The following CUL2 variants were observed in gnomAD, a reference collection of about 807,000 sequenced individuals.
The protein encoded by CUL2 is cullin 2.
A neutral mutation model predicts 110.2 loss-of-function variants in CUL2; 22 were observed. The ratio of observed to expected loss-of-function variants is 0.20; its 90% CI spans 0.14 to 0.28. The LOEUF is 0.28. Among genes scored for constraint, CUL2 ranks in the 10% least tolerant of loss-of-function variants. CUL2 has a pLI of 1.00. For synonymous variants in CUL2, 279 were observed against 293.2 expected, an observed-to-expected ratio of 0.95 and a Z score of 0.49; for missense variants, 631 against 905.5, an observed-to-expected ratio of 0.70 and a Z score of 3.89.
chr10:35,094,270 T>C (rs183945996), upstream of CUL2, among the ~76,000 whole-genome samples: 1 of 152,166 alleles, frequency 6.6e-6, no homozygotes, highest in Non-Finnish European at 1.5e-5. Context: ...AGTTTCGCTC[T>C]TGTTGCCCAG....
intron 4 of CUL2, among the ~76,000 whole-genome samples, chr10:35,057,287 TA>T (rs2086261545): frequency 1.3e-5 from 2 of 152,062 alleles, no homozygotes; most frequent in Non-Finnish European, 2.9e-5. Flanking sequence ...AAATTTAAAC[TA>T]ACTTACATTA....
intron 1 of CUL2, among the ~76,000 whole-genome samples, chr10:35,110,376 C>T (rs2087510536): frequency 6.6e-6 from 1 of 151,818 alleles, no homozygotes; most frequent in Non-Finnish European, 1.5e-5. Context: ...CCAGCCTGGC[C>T]AACATGGTGA....
At chr10:35,108,081 G>A (rs531980806) in intron 1 of CUL2, among the ~76,000 whole-genome samples, 2 of 152,108 alleles carry the variant, frequency 1.3e-5, no homozygotes, top group South Asian at 2.1e-4. Context: ...CGCCTTTTGT[G>A]AATGGAAAAT....
At chr10:35,117,537 T>C (rs1297541737) in intron 1 of CUL2, among the ~76,000 whole-genome samples, 4 of 152,086 alleles carry the variant, frequency 2.6e-5, no homozygotes, top group Admixed American at 6.6e-5. Context: ...GCTTTTTTTT[T>C]TTTTTTAACT....
chr10:35,104,715 T>G (rs2087430689), intron 1 of CUL2, among the ~76,000 whole-genome samples: 1 of 152,012 alleles, frequency 6.6e-6, no homozygotes, highest in African/African-American at 2.4e-5. Flanking sequence ...TGAACAGTCC[T>G]ACTAAACGAA....
At chr10:35,114,580 G>A (rs528766340) in intron 1 of CUL2, among the ~76,000 whole-genome samples, 44 of 149,786 alleles carry the variant, frequency 2.9e-4, no homozygotes, top group African/African-American at 1.1e-3. Context: ...ACAGGGTTTC[G>A]CTATGTTGGC....
chr10:35,033,383 C>T (rs1355661524), intron 10 of CUL2, 110 bp from the exon 11 acceptor site: 8 of 670,900 alleles, frequency 1.2e-5, no homozygotes, highest in African/African-American at 1.8e-5. Flanking sequence ...AATTATGTTT[C>T]ACACATGCAC....
chr10:35,067,578 C>G (rs2086566255), intron 2 of CUL2, among the ~76,000 whole-genome samples: 1 of 151,880 alleles, frequency 6.6e-6, no homozygotes, highest in South Asian at 2.1e-4. Context: ...TGGTGAAACC[C>G]CATCTCTACC....
At chr10:35,107,736 G>T (rs999508107) in intron 1 of CUL2, among the ~76,000 whole-genome samples, 6 of 151,668 alleles carry the variant, frequency 4.0e-5, no homozygotes, top group African/African-American at 1.5e-4. Flanking sequence ...CAAAAAATTA[G>T]CCAGGCGTGG....
At chr10:35,112,025 CT>C (rs1413681974) in intron 1 of CUL2, among the ~76,000 whole-genome samples, 2 of 152,138 alleles carry the variant, frequency 1.3e-5, no homozygotes, top group Non-Finnish European at 2.9e-5. Flanking sequence ...ACCTGAAGGC[CT>C]CATTACTCCT....
intron 17 of CUL2, among the ~76,000 whole-genome samples, chr10:35,021,258 CTTTCT>C (rs1403046568): frequency 2.4e-4 from 34 of 138,930 alleles, no homozygotes; most frequent in Admixed American, 1.0e-3. Context: ...TTCTTTCTTT[CTTTCT>C]TTTTTTTTTT....
At chr10:35,074,106 G>A in intron 1 of CUL2, 3 of 1,258,554 alleles carry the variant, frequency 2.4e-6, no homozygotes, top group Non-Finnish European at 3.4e-6. Flanking sequence ...TCCAAGCTCT[G>A]AGGATACAGT....
chr10:35,065,179 T>G (rs564727954), intron 2 of CUL2, among the ~76,000 whole-genome samples: 1 of 152,318 alleles, frequency 6.6e-6, no homozygotes, highest in South Asian at 2.1e-4. Flanking sequence ...GAAGAACACC[T>G]ACGAAAATGA....
chr10:35,066,355 G>T (rs1300842037), intron 2 of CUL2, among the ~76,000 whole-genome samples: 1 of 151,658 alleles, frequency 6.6e-6, no homozygotes, highest in East Asian at 1.9e-4. Context: ...CAGGCAGTGC[G>T]GTGGCGTGAT....
At chr10:35,103,029 C>A (rs1191873025) in intron 1 of CUL2, among the ~76,000 whole-genome samples, 1 of 152,106 alleles carries the variant, frequency 6.6e-6, no homozygotes, top group African/African-American at 2.4e-5. Context: ...GTATGAAGAG[C>A]TCTCTAATTT....
chr10:35,026,186 T>C (rs1208913911), intron 16 of CUL2, among the ~76,000 whole-genome samples: 1 of 152,192 alleles, frequency 6.6e-6, no homozygotes, highest in Non-Finnish European at 1.5e-5. Context: ...CATCCTCCTC[T>C]ACCAGCAGAT....
intron 17 of CUL2, among the ~76,000 whole-genome samples, chr10:35,023,488 A>G (rs914392011): frequency 6.6e-6 from 1 of 152,218 alleles, no homozygotes; most frequent in Admixed American, 6.5e-5. Context: ...AACAGAAAGA[A>G]AGTTATTCTC....
chr10:35,047,404 A>T (rs574747971), intron 6 of CUL2, among the ~76,000 whole-genome samples: 1 of 151,400 alleles, frequency 6.6e-6, no homozygotes, highest in Non-Finnish European at 1.5e-5. Context: ...AGGTCAGGAG[A>T]TAGAGACCAT....
chr10:35,090,453 A>G (rs904703764), upstream of CUL2: 2 of 151,824 alleles, frequency 1.3e-5, no homozygotes, highest in African/African-American at 2.4e-5. Flanking sequence ...GAAAGACAGC[A>G]AAGTCCAAGG....
Sources: allele counts gnomAD v4.1 joint callset (sites outside exome capture counted in the v4.1 genomes callset), GRCh38; gene constraint gnomAD v4.1.1; transcripts MANE v1.5; gene names NCBI Gene and HGNC (gene_info 2026-07-23, HGNC 2026-07-21).